CNOT10: variants seen among roughly 807,000 people sequenced by gnomAD.
The protein encoded by CNOT10 is CCR4-NOT transcription complex, subunit 10.
A neutral mutation model predicts 94.6 loss-of-function variants in CNOT10; 30 were observed. That is an observed-to-expected ratio of 0.32 (90% CI 0.24 to 0.43). The LOEUF (loss-of-function observed/expected upper bound fraction) is 0.43. Ranked by LOEUF, CNOT10 falls within the 20% of genes least tolerant of loss-of-function variation. The probability of loss-of-function intolerance (pLI) is 1.00; values close to 1 mark genes in which losing one functional copy is unlikely to be tolerated. For missense variants in CNOT10, 759 were observed against 877.2 expected, an observed-to-expected ratio of 0.87 and a Z score of 1.70; for synonymous variants, 289 against 301.6, an observed-to-expected ratio of 0.96 and a Z score of 0.43.
intron 10 of CNOT10, 76 bp downstream of exon 10, chr3:32,727,946 A>G (rs985116105): frequency 2.2e-5 from 22 of 1,019,498 alleles, no homozygotes; most frequent in Admixed American, 1.5e-4. Context: ...AAAAAAAAAA[A>G]AAACCTTGGA....
At chr3:32,716,796 G>A (rs1430125511) in intron 6 of CNOT10, among the ~76,000 whole-genome samples, 1 of 151,960 alleles carries the variant, frequency 6.6e-6, no homozygotes, top group African/African-American at 2.4e-5. Context: ...TTACTAGTGC[G>A]CATCACCACA....
intron 13 of CNOT10, 130 bp from the exon 14 acceptor site, chr3:32,759,328 C>G: frequency 1.6e-6 from 1 of 644,330 alleles, no homozygotes; most frequent in Non-Finnish European, 2.8e-6. Flanking sequence ...ACCATTAGTA[C>G]CGTGGCTTCC....
At chr3:32,699,975 CTTT>C (rs565780036) in intron 1 of CNOT10, among the ~76,000 whole-genome samples, 9 of 129,214 alleles carry the variant, frequency 7.0e-5, no homozygotes, top group Admixed American at 1.6e-4. Flanking sequence ...ATATCAGTTT[CTTT>C]TTTTTTTTTT....
At chr3:32,729,085 C>G (rs1335253162) in intron 10 of CNOT10, among the ~76,000 whole-genome samples, 1 of 152,040 alleles carries the variant, frequency 6.6e-6, no homozygotes, top group African/African-American at 2.4e-5. Flanking sequence ...GACAGAGAGA[C>G]TCTGTCTCAA....
intron 18 of CNOT10, among the ~76,000 whole-genome samples, chr3:32,772,103 C>T (rs1230236654): frequency 6.6e-6 from 1 of 152,170 alleles, no homozygotes; most frequent in Admixed American, 6.5e-5. Flanking sequence ...GTAATCCCAA[C>T]ACTTTGGGAG....
intron 18 of CNOT10, among the ~76,000 whole-genome samples, chr3:32,772,937 C>T (rs2125656090): frequency 6.6e-6 from 1 of 152,314 alleles, no homozygotes; most frequent in East Asian, 1.9e-4. Flanking sequence ...GTGATCTTGG[C>T]TCACTGCAGC....
At chr3:32,700,217 C>A (rs1697274032) in intron 1 of CNOT10, among the ~76,000 whole-genome samples, 1 of 152,112 alleles carries the variant, frequency 6.6e-6, no homozygotes, top group Non-Finnish European at 1.5e-5. Flanking sequence ...CTCAGGTGAT[C>A]CGCCTGCCTC....
Position 32,727,689 on chromosome 3 carries a change from C to T in CNOT10, c.1034C>T (p.Pro345Leu), listed in dbSNP as rs756649191. Reference protein sequence around the residue: ...TDPGKKFSGRPMCTLLTNKRY... With the variant: ...TDPGKKFSGRLMCTLLTNKRY... ...CTAGGTAAAAAATTTTCAGGAAGAC[C>T]CATGTGTACGTTACTAACCAATAAG... Residue 345 changes from proline (P) to leucine (L), a missense_variant, in exon 10 of 19, where the codon CCC becomes CTC. Pro to Leu is a moderately conservative substitution (Grantham distance 98, BLOSUM62 -3). Coordinates refer to ENST00000328834, the MANE Select transcript of CNOT10 (RefSeq NM_015442.3). 15 of 1,612,522 alleles carry T rather than the reference C, an allele frequency of 9.3e-6. No individual in the cohort carries two copies. Among genetic ancestry groups the T allele is most frequent in the African/African-American group, 2.7e-5 (2 of 74,818 alleles).
At chr3:32,695,224 G>C (rs1696996455) in intron 1 of CNOT10, among the ~76,000 whole-genome samples, 1 of 152,150 alleles carries the variant, frequency 6.6e-6, no homozygotes, top group Non-Finnish European at 1.5e-5. Flanking sequence ...GGTAAGTCAA[G>C]TATACTTGTT....
At chr3:32,690,540 G>T (rs1038418230) in intron 1 of CNOT10, among the ~76,000 whole-genome samples, 6 of 148,526 alleles carry the variant, frequency 4.0e-5, no homozygotes, top group Non-Finnish European at 7.4e-5. Flanking sequence ...GTGTACTACT[G>T]TATCCAGATA....
At chr3:32,753,650 C>T (rs1700063732) in intron 13 of CNOT10, 3 of 1,573,198 alleles carry the variant, frequency 1.9e-6, no homozygotes, top group Non-Finnish European at 2.6e-6. Context: ...TCATCATCTC[C>T]TTATACAAGA....
chr3:32,747,546 C>CT (rs1393475250), intron 13 of CNOT10, among the ~76,000 whole-genome samples: 39 of 147,684 alleles, frequency 2.6e-4, no homozygotes, highest in Middle Eastern at 3.5e-3. Flanking sequence ...ATATTTCTTC[C>CT]TTTTTTTTTT....
Position 32,727,867 on chromosome 3 carries a change from G to A in CNOT10, c.1212G>A (p.Lys404=). The A allele has an allele frequency of 6.2e-7, 1 of 1,611,578 alleles. No homozygotes were observed. Among genetic ancestry groups the A allele is most frequent in the Non-Finnish European group, 8.5e-7 (1 of 1,179,300 alleles). ...CTGAATGCTGCATTGCTGCCAATAA[G>A]GGGGTGAGTGCTACTTGGGTATCTT... ...RLAECCIAAN[K]GTSEQETKGL... The change falls in exon 10 of 19, where the codon AAG becomes AAA. Residue 404 remains lysine, a synonymous_variant. Coordinates refer to ENST00000328834, the MANE Select transcript of CNOT10 (RefSeq NM_015442.3).
chr3:32,734,704 T>A, intron 11 of CNOT10, 96 bp from the exon 12 acceptor site: 1 of 1,062,188 alleles, frequency 9.4e-7, no homozygotes, highest in African/African-American at 1.6e-5. Context: ...AAGGCATAGC[T>A]TTCATTTATA....
chr3:32,709,470 T>G (rs1697770152), intron 4 of CNOT10, among the ~76,000 whole-genome samples: 1 of 152,208 alleles, frequency 6.6e-6, no homozygotes, highest in Non-Finnish European at 1.5e-5. Context: ...AAATGAGAAT[T>G]CCTAATTTAT....
intron 8 of CNOT10, among the ~76,000 whole-genome samples, chr3:32,721,929 G>C (rs1392675829): frequency 5.3e-5 from 8 of 151,910 alleles, no homozygotes; most frequent in Admixed American, 5.3e-4. Context: ...TGGGATTACA[G>C]GCGTGAGCCA....
At chr3:32,715,669 G>A (rs543032959) in intron 5 of CNOT10, among the ~76,000 whole-genome samples, 25 of 152,186 alleles carry the variant, frequency 1.6e-4, no homozygotes, top group Middle Eastern at 3.4e-3. Context: ...GGAGACCCCC[G>A]TCTCTATGAA....
At chr3:32,728,347 G>A (rs1363343368) in intron 10 of CNOT10, among the ~76,000 whole-genome samples, 4 of 152,046 alleles carry the variant, frequency 2.6e-5, no homozygotes, top group African/African-American at 4.8e-5. Flanking sequence ...TTGGCCGTGC[G>A]CAATGGCTCA....
intron 4 of CNOT10, among the ~76,000 whole-genome samples, chr3:32,712,608 G>C (rs1697942904): frequency 6.6e-6 from 1 of 152,086 alleles, no homozygotes; most frequent in Non-Finnish European, 1.5e-5. Context: ...TCCTTTGTGA[G>C]GCCAAAGTGG....
Sources: allele counts gnomAD v4.1 joint callset (sites outside exome capture counted in the v4.1 genomes callset), GRCh38; gene constraint gnomAD v4.1.1; transcripts MANE v1.5; gene names NCBI Gene and HGNC (gene_info 2026-07-23, HGNC 2026-07-21).